HDAC9: variants seen among roughly 807,000 people sequenced by gnomAD.
HDAC9 encodes MEF-2 interacting transcription repressor (MITR) protein.
Under a neutral mutation model 139.4 loss-of-function variants are expected in HDAC9, and 41 were observed. That is an observed-to-expected ratio of 0.29 (90% CI 0.23 to 0.38). The LOEUF is 0.38. Ranked by LOEUF, HDAC9 falls within the 10% of genes least tolerant of loss-of-function variation. The probability of loss-of-function intolerance (pLI) is 1.00; values close to 1 mark genes in which losing one functional copy is unlikely to be tolerated. For missense variants in HDAC9, 1,147 were observed against 1,297.0 expected, an observed-to-expected ratio of 0.88 and a Z score of 1.78; for synonymous variants, 517 against 476.2, an observed-to-expected ratio of 1.09 and a Z score of -1.12.
At chr7:18,861,402 A>G (rs1381850608) in intron 21 of HDAC9, among the ~76,000 whole-genome samples, 1 of 152,204 alleles carries the variant, frequency 6.6e-6, no homozygotes, top group Non-Finnish European at 1.5e-5. Context: ...TGGTAATTAG[A>G]TAAGAATCAG....
At chr7:18,706,160 CTTTTTTTT>C (rs1165670432) in intron 12 of HDAC9, among the ~76,000 whole-genome samples, 7 of 86,752 alleles carry the variant, frequency 8.1e-5, no homozygotes, top group Admixed American at 1.6e-4. Context: ...GAAAGTTTTC[CTTTTTTTT>C]TTTTTTTTTT....
At chr7:18,557,084 C>G (rs1323340318) in intron 2 of HDAC9, among the ~76,000 whole-genome samples, 1 of 151,848 alleles carries the variant, frequency 6.6e-6, no homozygotes, top group Non-Finnish European at 1.5e-5. Context: ...TTTAAATGAT[C>G]TCATTTGTAT....
intron 4 of HDAC9, among the ~76,000 whole-genome samples, chr7:18,590,772 T>C (rs1830719521): frequency 6.6e-6 from 1 of 152,166 alleles, no homozygotes; most frequent in African/African-American, 2.4e-5. Flanking sequence ...CAGTCTAATA[T>C]ATGCCATCTT....
At chr7:18,510,748 A>C (rs1193398639) in intron 2 of HDAC9, among the ~76,000 whole-genome samples, 1 of 152,208 alleles carries the variant, frequency 6.6e-6, no homozygotes, top group Non-Finnish European at 1.5e-5. Flanking sequence ...AGGAGTTAAC[A>C]TAGTGAGATA....
At chr7:18,641,576 A>C (rs2129011896) in intron 8 of HDAC9, among the ~76,000 whole-genome samples, 1 of 152,210 alleles carries the variant, frequency 6.6e-6, no homozygotes, top group East Asian at 1.9e-4. Flanking sequence ...TTATCTAACC[A>C]CAATAAAAAT....
At chr7:18,809,308 A>C (rs1275971308) in intron 17 of HDAC9, among the ~76,000 whole-genome samples, 1 of 152,086 alleles carries the variant, frequency 6.6e-6, no homozygotes, top group Non-Finnish European at 1.5e-5. Flanking sequence ...CACAAAAAGC[A>C]CAGGCAACAA....
At chr7:18,629,312 AT>A in intron 6 of HDAC9, 37 bp from the exon 7 acceptor site, 1 of 1,490,934 alleles carries the variant, frequency 6.7e-7, no homozygotes, top group East Asian at 2.5e-5. Flanking sequence ...TATTTTTTTA[AT>A]TTTTATCTAT....
chr7:18,798,672 TCA>T, intron 17 of HDAC9, among the ~76,000 whole-genome samples: 1 of 152,306 alleles, frequency 6.6e-6, no homozygotes, highest in East Asian at 1.9e-4. Flanking sequence ...CATGAGGTTT[TCA>T]CACAGTGTGA....
At chr7:18,911,982 T>A in intron 22 of HDAC9, among the ~76,000 whole-genome samples, 1 of 152,028 alleles carries the variant, frequency 6.6e-6, no homozygotes, top group East Asian at 1.9e-4. Context: ...AGTTGTCAGA[T>A]AAAATATTCT....
chr7:18,327,659 AT>A (rs1423860301), intron 1 of HDAC9: 2 of 151,966 alleles, frequency 1.3e-5, no homozygotes, highest in Non-Finnish European at 2.9e-5. Flanking sequence ...GAAAAAGCTA[AT>A]TAAAACTATT....
At chr7:18,630,627 A>G (rs1782057466) in intron 7 of HDAC9, among the ~76,000 whole-genome samples, 1 of 152,146 alleles carries the variant, frequency 6.6e-6, no homozygotes, top group African/African-American at 2.4e-5. Context: ...TCCTTGGGAT[A>G]AGAAATATTA....
At position 18,389,094 on chromosome 7, in the gene HDAC9, T is replaced by C. The variant is rs776505314; in HGVS notation, c.-42+98579T>C. ...TTCGAATAGCTGTAGGCTTTAGTTT[T>C]ACTGAATGTTTTTTCATTGGTATGA... On this transcript the variant is annotated intron_variant, in intron 1 of 3. Transcript: ENST00000413509. Among the ~76,000 whole-genome samples, 95 of 152,236 alleles carry C rather than the reference T, an allele frequency of 6.2e-4. 2 individuals are homozygous for C. Among genetic ancestry groups the C allele is most frequent in the Non-Finnish European group, 1.9e-4 (13 of 68,050 alleles).
intron 17 of HDAC9, among the ~76,000 whole-genome samples, chr7:18,794,239 G>T (rs1792583579): frequency 6.6e-6 from 1 of 152,152 alleles, no homozygotes; most frequent in Non-Finnish European, 1.5e-5. Context: ...GGTCGTGATT[G>T]ATTCGGTATT....
chr7:18,725,367 G>A (rs917896230), intron 12 of HDAC9, among the ~76,000 whole-genome samples: 5 of 152,058 alleles, frequency 3.3e-5, no homozygotes, highest in Admixed American at 6.6e-5. Context: ...GATAGTATTC[G>A]GTTAGAACTT....
At position 18,932,577 on chromosome 7, in the gene HDAC9, G is replaced by A. The variant is rs572881648; in HGVS notation, c.2804-3232G>A. Among the ~76,000 whole-genome samples the A allele has an allele frequency of 1.1e-4, 17 of 152,184 alleles. No homozygotes were observed. The South Asian group carries it at 3.5e-3, about 32-fold the overall frequency. On this transcript the variant is annotated intron_variant, in intron 22 of 25. Transcript: ENST00000686413. ...ATAATCTACTGCATATTGCAAAAGA[G>A]GGTCAGAGGCTTGGGCCTAAGAAGG...
chr7:18,104,429 T>C (rs909604261), intron 1 of HDAC9, among the ~76,000 whole-genome samples: 10 of 152,078 alleles, frequency 6.6e-5, no homozygotes, highest in African/African-American at 2.4e-4. Context: ...CTTACCTGGC[T>C]CTTGTCTGAG....
At chr7:18,956,578 C>A (rs1783164213) in intron 24 of HDAC9, among the ~76,000 whole-genome samples, 1 of 152,142 alleles carries the variant, frequency 6.6e-6, no homozygotes, top group Non-Finnish European at 1.5e-5. Context: ...AGAGCTCCTC[C>A]TTCTGAGTCA....
intron 25 of HDAC9, among the ~76,000 whole-genome samples, chr7:18,980,745 C>CTT (rs1291935441): frequency 7.9e-4 from 26 of 32,712 alleles, no homozygotes; most frequent in Admixed American, 3.1e-3. Context: ...TCTTCTTCTT[C>CTT]CTTCTTCTTC....
At chr7:18,421,076 T>G (rs1789574576) in intron 1 of HDAC9, among the ~76,000 whole-genome samples, 2 of 152,224 alleles carry the variant, frequency 1.3e-5, no homozygotes, top group Admixed American at 1.3e-4. Flanking sequence ...CTGTACTATG[T>G]CCTACCTCCC....
Sources: allele counts gnomAD v4.1 joint callset (sites outside exome capture counted in the v4.1 genomes callset), GRCh38; gene constraint gnomAD v4.1.1; transcripts MANE v1.5; gene names NCBI Gene and HGNC (gene_info 2026-07-23, HGNC 2026-07-21).